Variants in ZFHX3 observed in about 807,000 individuals in gnomAD.
The protein encoded by ZFHX3 is zinc finger homeobox protein 3.
In ZFHX3, 42 loss-of-function variants were observed where a neutral mutation model predicts 279.1. The ratio of observed to expected loss-of-function variants is 0.15; its 90% confidence interval spans 0.12 to 0.19. The LOEUF (loss-of-function observed/expected upper bound fraction) is 0.19. ZFHX3 is among the 10% of genes least tolerant of loss of function. The probability of loss-of-function intolerance (pLI) is 1.00; values close to 1 mark genes in which losing one functional copy is unlikely to be tolerated. For missense variants in ZFHX3, 4,981 were observed against 4,754.0 expected, an observed-to-expected ratio of 1.05 and a Z score of -1.40; for synonymous variants, 2,293 against 1,957.8, an observed-to-expected ratio of 1.17 and a Z score of -4.52.
At chr16:73,838,378 G>C (rs1961200960) in intron 1 of ZFHX3, among the ~76,000 whole-genome samples, 1 of 152,102 alleles carries the variant, frequency 6.6e-6, no homozygotes, top group Non-Finnish European at 1.5e-5. Context: ...AATAAAGTTA[G>C]GTACATGGGT....
chr16:73,317,108 T>C (rs1297556805), intron 4 of ZFHX3, among the ~76,000 whole-genome samples: 1 of 151,990 alleles, frequency 6.6e-6, no homozygotes, highest in African/African-American at 2.4e-5. Context: ...CTTAGCTATA[T>C]ACAAGGGAAT....
At chr16:72,933,634 C>T (rs1304417392) in intron 3 of ZFHX3, among the ~76,000 whole-genome samples, 1 of 152,014 alleles carries the variant, frequency 6.6e-6, no homozygotes, top group African/African-American at 2.4e-5. Context: ...CAGTACACTC[C>T]ACCCCTCCCC....
chr16:73,250,438 T>G (rs1455858233), intron 5 of ZFHX3, among the ~76,000 whole-genome samples: 1 of 152,258 alleles, frequency 6.6e-6, no homozygotes, highest in Non-Finnish European at 1.5e-5. Flanking sequence ...TTTGCTATTT[T>G]ATCCATTTTT....
At chr16:73,883,779 G>C (rs1384330048) in intron 1 of ZFHX3, among the ~76,000 whole-genome samples, 1 of 152,004 alleles carries the variant, frequency 6.6e-6, no homozygotes, top group Non-Finnish European at 1.5e-5. Flanking sequence ...GAGAACTAAA[G>C]ATAAGCAAAG....
Position 73,482,375 on chromosome 16 carries a change from C to T in ZFHX3, c.-1546-26117G>A, listed in dbSNP as rs144666461. ...ATCTAAGAGAATTGGTGGAGATCTG[C>T]TATCCCAGCCCAGAAAATGGCATCA... is the stretch of plus-strand genomic sequence containing the variant. On this transcript the variant is annotated intron_variant, in intron 2 of 17. Transcript: ENST00000641206. Among the ~76,000 whole-genome samples the T allele has an allele frequency of 1.8e-3, 267 of 151,898 alleles. 1 individual carries two copies. The highest frequency in any genetic ancestry group is 5.8e-3 in the African/African-American group (242 of 41,390).
At chr16:73,105,012 G>A (rs1209281377) in intron 7 of ZFHX3, among the ~76,000 whole-genome samples, 2 of 152,088 alleles carry the variant, frequency 1.3e-5, no homozygotes, top group South Asian at 2.1e-4. Flanking sequence ...GAGGGAAGAG[G>A]ACTACAAAAC....
At chr16:72,807,170 A>G (rs2036291129) in intron 7 of ZFHX3, 1 of 152,202 alleles carries the variant, frequency 6.6e-6, no homozygotes, top group African/African-American at 2.4e-5. Context: ...CCAATTTGAA[A>G]TCTCAAGCTT....
intron 7 of ZFHX3, among the ~76,000 whole-genome samples, chr16:73,110,297 T>C (rs4788702): frequency 0.21 from 32,388 of 152,092 alleles, 3,540 homozygotes; most frequent in South Asian, 0.26. Flanking sequence ...CTCAGTAAGA[T>C]ACATTCAAAC....
intron 1 of ZFHX3, among the ~76,000 whole-genome samples, chr16:73,850,579 G>C (rs1567430118): frequency 6.6e-6 from 1 of 152,174 alleles, no homozygotes; most frequent in Non-Finnish European, 1.5e-5. Flanking sequence ...GTGCTTTCAG[G>C]TGAAGTCTCC....
chr16:73,298,079 G>A (rs984874708), intron 4 of ZFHX3, among the ~76,000 whole-genome samples: 2 of 151,624 alleles, frequency 1.3e-5, no homozygotes, highest in Middle Eastern at 3.2e-3. Context: ...TAATACTAGC[G>A]ACCTGGGAGG....
chr16:72,930,917 GA>G (rs1366859071), intron 3 of ZFHX3, among the ~76,000 whole-genome samples: 1 of 152,184 alleles, frequency 6.6e-6, no homozygotes, highest in African/African-American at 2.4e-5. Context: ...TATCATATTT[GA>G]TAGTAATAAC....
chr16:72,968,035 A>C (rs1462084921), intron 1 of ZFHX3, among the ~76,000 whole-genome samples: 3 of 151,776 alleles, frequency 2.0e-5, no homozygotes, highest in Non-Finnish European at 4.4e-5. Flanking sequence ...AACAACAATA[A>C]CTTCACTGTG....
chr16:73,055,251 T>A (rs1007501743), intron 1 of ZFHX3, among the ~76,000 whole-genome samples: 4 of 151,886 alleles, frequency 2.6e-5, no homozygotes, highest in Admixed American at 2.0e-4. Flanking sequence ...CTCAATAGGG[T>A]TTTTTTCTCC....
chr16:73,687,797 G>A (rs928029785), intron 1 of ZFHX3, among the ~76,000 whole-genome samples: 4 of 111,850 alleles, frequency 3.6e-5, no homozygotes, highest in African/African-American at 9.7e-5. Context: ...GCAGTGAGCC[G>A]AGATTGTGCC....
chr16:72,921,820 T>C (rs545136989), intron 3 of ZFHX3, among the ~76,000 whole-genome samples: 1 of 152,314 alleles, frequency 6.6e-6, no homozygotes, highest in East Asian at 1.9e-4. Context: ...GAGACAGGCC[T>C]TGGCCGGTTT....
chr16:73,215,682 C>G (rs867047910), intron 5 of ZFHX3, among the ~76,000 whole-genome samples: 1 of 152,308 alleles, frequency 6.6e-6, no homozygotes, highest in East Asian at 1.9e-4. Flanking sequence ...TGTCCTCCCC[C>G]CGATGCTGAA....
intron 3 of ZFHX3, among the ~76,000 whole-genome samples, chr16:73,378,946 G>C (rs935650803): frequency 6.6e-6 from 1 of 152,076 alleles, no homozygotes; most frequent in African/African-American, 2.4e-5. Flanking sequence ...GGGGGCACTT[G>C]TTCTAACTGA....
chr16:73,641,448 T>A (rs1252167328), intron 2 of ZFHX3, among the ~76,000 whole-genome samples: 3 of 152,086 alleles, frequency 2.0e-5, no homozygotes, highest in African/African-American at 7.2e-5. Context: ...TCTGACCCGA[T>A]GGAAGGTTCT....
chr16:73,500,471 G>A (rs966158844), intron 2 of ZFHX3, among the ~76,000 whole-genome samples: 1 of 151,854 alleles, frequency 6.6e-6, no homozygotes. Context: ...GGGACTACAG[G>A]CACATGCCAC....
Sources: gnomAD v4.1 joint callset for allele counts (sites outside exome capture counted in the v4.1 genomes callset) on GRCh38, gnomAD v4.1.1 for gene constraint, MANE v1.5 for transcripts, NCBI Gene and HGNC (gene_info 2026-07-23, HGNC 2026-07-21) for gene names.